The following AKT3 variants were observed in gnomAD, a reference collection of about 807,000 sequenced individuals.
The protein encoded by AKT3 is AKT serine/threonine kinase 3.
AKT3 carries 15 observed loss-of-function variants against 65.3 expected under a neutral mutation model. The ratio of observed to expected loss-of-function variants is 0.23; its 90% confidence interval spans 0.15 to 0.35. The LOEUF (loss-of-function observed/expected upper bound fraction) is 0.35. Ranked by LOEUF, AKT3 falls within the 10% of genes least tolerant of loss-of-function variation. The pLI is 1.00. For synonymous variants in AKT3, 206 were observed against 183.8 expected, an observed-to-expected ratio of 1.12 and a Z score of -0.98; for missense variants, 243 against 576.5, an observed-to-expected ratio of 0.42 and a Z score of 5.92.
chr1:243,742,452 C>T (rs1168681184), intron 2 of AKT3, among the ~76,000 whole-genome samples: 1 of 152,088 alleles, frequency 6.6e-6, no homozygotes, highest in Non-Finnish European at 1.5e-5. Context: ...TGGCGAAACC[C>T]CGTCGCTACT....
At position 243,542,939 on chromosome 1, in the gene AKT3, T is replaced by C. The variant is rs1346771724; in HGVS notation, c.1251+2571A>G. On this transcript the variant is annotated intron_variant, in intron 12 of 13. Transcript: ENST00000673466. Reference sequence around the variant, plus strand: ...AGGACACCGTGAGTAAGCCTGTAGATGGCACCAATCCACGACCAATCTATT... The same window carrying C: ...AGGACACCGTGAGTAAGCCTGTAGACGGCACCAATCCACGACCAATCTATT... Among the ~76,000 whole-genome samples the C allele has an allele frequency of 2.0e-5, 3 of 152,308 alleles. No individual in the cohort carries two copies. In the East Asian group the frequency reaches 5.8e-4, roughly 29 times the overall value.
intron 11 of AKT3, among the ~76,000 whole-genome samples, chr1:243,550,052 A>G (rs1345037325): frequency 6.6e-6 from 1 of 152,154 alleles, no homozygotes; most frequent in Non-Finnish European, 1.5e-5. Context: ...TTGAGTGCCA[A>G]TGCAAATTCA....
rs533799628 is a variant in AKT3 at position 243,714,191 on chromosome 1, TTCTC to T, written c.47-18479_47-18476del. Among the ~76,000 whole-genome samples, 230 of 152,368 alleles carry T rather than the reference TTCTC, an allele frequency of 1.5e-3. 1 individual carries two copies. Among genetic ancestry groups the T allele is most frequent in the African/African-American group, 5.3e-3 (222 of 41,588 alleles). On this transcript the variant is annotated intron_variant, in intron 2 of 13. Transcript: ENST00000673466. ...ACACTGCTTTGTTTTACAGTTGTTA[TTCTC>T]TCTACCATATTCATAAAATGGATTT... is the stretch of plus-strand genomic sequence containing the variant.
At chr1:243,589,583 G>A (rs572343027) in intron 8 of AKT3, among the ~76,000 whole-genome samples, 12 of 152,226 alleles carry the variant, frequency 7.9e-5, no homozygotes, top group African/African-American at 2.2e-4. Flanking sequence ...CACTGTTGGT[G>A]GGAATGTAAA....
chr1:243,700,555 G>C (rs1392180907), intron 2 of AKT3, among the ~76,000 whole-genome samples: 1 of 148,752 alleles, frequency 6.7e-6, no homozygotes, highest in Non-Finnish European at 1.5e-5. Context: ...CCAGGCTGGA[G>C]TGTAGTGGTG....
intron 2 of AKT3, among the ~76,000 whole-genome samples, chr1:243,842,044 C>T (rs546659891): frequency 6.9e-4 from 105 of 152,182 alleles, no homozygotes; most frequent in Non-Finnish European, 1.3e-3. Context: ...AGGAACCTCT[C>T]GGGTTAATGA....
At chr1:243,515,900 C>T (rs1194814765) in intron 12 of AKT3, among the ~76,000 whole-genome samples, 1 of 151,872 alleles carries the variant, frequency 6.6e-6, no homozygotes, top group Admixed American at 6.6e-5. Context: ...TGGCATGAAC[C>T]CGGGAGGCGG....
intron 2 of AKT3, among the ~76,000 whole-genome samples, chr1:243,803,979 A>G (rs1169804163): frequency 6.6e-6 from 1 of 152,170 alleles, no homozygotes; most frequent in Non-Finnish European, 1.5e-5. Context: ...TAAGCACACA[A>G]CAGAAGCCTG....
intron 3 of AKT3, among the ~76,000 whole-genome samples, chr1:243,674,131 A>G (rs1278549180): frequency 3.3e-5 from 5 of 152,202 alleles, no homozygotes; most frequent in Non-Finnish European, 7.3e-5. Context: ...GCCTTGGCTA[A>G]TTGAAATCAT....
At chr1:243,543,619 C>T (rs768414510) in intron 12 of AKT3, among the ~76,000 whole-genome samples, 6 of 152,210 alleles carry the variant, frequency 3.9e-5, no homozygotes, top group Middle Eastern at 3.4e-3. Context: ...TGTACTGACA[C>T]GATGAAAACA....
intron 5 of AKT3, among the ~76,000 whole-genome samples, 171 bp downstream of exon 5, chr1:243,645,722 C>G (rs1270616360): frequency 6.6e-6 from 1 of 152,160 alleles, no homozygotes; most frequent in African/African-American, 2.4e-5. Flanking sequence ...ACAATGTTCA[C>G]CTATTTGGTT....
Position 243,850,020 on chromosome 1 carries a change from T to C in AKT3, c.-113+20A>G, listed in dbSNP as rs1254704630. ...AGGCCAGGCGGGGAGGGGGCTAGAGTTGGGGGCGGTGGCTGTTACCTGCAA... is the reference window on the plus strand; with the variant it reads ...AGGCCAGGCGGGGAGGGGGCTAGAGCTGGGGGCGGTGGCTGTTACCTGCAA... On this transcript the variant is annotated intron_variant, in intron 1 of 13. Coordinates refer to ENST00000673466, the MANE Select transcript of AKT3 (RefSeq NM_005465.7). 1.0e-6 allele frequency: 1 copy of C among 970,246 alleles called. No homozygotes were observed. The highest frequency in any genetic ancestry group is 1.2e-6 in the Non-Finnish European group (1 of 821,168). 60.1% of individuals were successfully genotyped at this position (970,246 alleles called of 1,614,324 possible).
intron 13 of AKT3, among the ~76,000 whole-genome samples, chr1:243,491,736 C>T (rs763685596): frequency 6.6e-5 from 10 of 152,140 alleles, no homozygotes; most frequent in Non-Finnish European, 1.2e-4. Context: ...ATTTTGGATG[C>T]GGTGCCGCCT....
intron 4 of AKT3, among the ~76,000 whole-genome samples, chr1:243,649,737 A>G (rs1231428572): frequency 1.3e-5 from 2 of 152,218 alleles, no homozygotes; most frequent in Non-Finnish European, 2.9e-5. Context: ...TGCAAAGGAC[A>G]TGAACTCATC....
chr1:243,629,652 C>T (rs144093357), intron 6 of AKT3, among the ~76,000 whole-genome samples: 6,702 of 151,940 alleles, frequency 0.044, 198 homozygotes, highest in Non-Finnish European at 0.068. Context: ...ATTAGCCAGG[C>T]GTGGTGGTGG....
In AKT3 at chr1:243,489,126, C is replaced by T. The variant is rs369591883; in HGVS notation, c.*7-676G>A. ...GCAGAGCCTGTCGGAAGAGGTGGAC[C>T]GGCTGCGGACCCAGGTACTGTGCAG... On this transcript the variant is annotated intron_variant, in intron 13 of 13. Coordinates refer to the AKT3 transcript ENST00000336199. 32 of 1,612,414 alleles carry T rather than the reference C, an allele frequency of 2.0e-5. No individual in the cohort carries two copies. The highest frequency in any genetic ancestry group is 8.3e-5 in the Admixed American group (5 of 59,972).
chr1:243,541,951 A>G (rs1428934325), intron 12 of AKT3, among the ~76,000 whole-genome samples: 1 of 152,230 alleles, frequency 6.6e-6, no homozygotes, highest in Non-Finnish European at 1.5e-5. Context: ...GGAAGACATG[A>G]AACACACGTA....
At chr1:243,540,299 A>G (rs994902401) in intron 12 of AKT3, among the ~76,000 whole-genome samples, 1 of 152,164 alleles carries the variant, frequency 6.6e-6, no homozygotes, top group Non-Finnish European at 1.5e-5. Flanking sequence ...TGGAAAATCA[A>G]TGTTAATTCA....
chr1:243,548,947 C>T (rs1413980830), intron 11 of AKT3, among the ~76,000 whole-genome samples: 1 of 152,104 alleles, frequency 6.6e-6, no homozygotes, highest in African/African-American at 2.4e-5. Flanking sequence ...TATTATAATG[C>T]TATCATTACT....
Sources: allele counts gnomAD v4.1 joint callset (sites outside exome capture counted in the v4.1 genomes callset), GRCh38; gene constraint gnomAD v4.1.1; transcripts MANE v1.5; gene names NCBI Gene and HGNC (gene_info 2026-07-23, HGNC 2026-07-21).